Variants in PITPNM1 observed in about 807,000 individuals in gnomAD.
The protein encoded by PITPNM1 is membrane-associated phosphatidylinositol transfer protein 1.
PITPNM1 carries 74 observed loss-of-function variants against 133.3 expected under a neutral mutation model. That is an observed-to-expected ratio of 0.56 (90% CI 0.46 to 0.67). PITPNM1 has a LOEUF of 0.67. Ranked by LOEUF, PITPNM1 falls within the 30% of genes least tolerant of loss-of-function variation. The pLI is 0.00. For missense variants in PITPNM1, 1,398 were observed against 1,739.5 expected, an observed-to-expected ratio of 0.80 and a Z score of 3.49; for synonymous variants, 738 against 741.4, an observed-to-expected ratio of 1.00 and a Z score of 0.08.
At position 67,497,391 on chromosome 11, in the gene PITPNM1, C is replaced by T. The variant is rs1457299135; in HGVS notation, c.1986G>A (p.Arg662=). ...PATTSSWEPR[R]ASTAFCPPAA... ...CGGGTGGGCAGAAGGCCGTGCTTGC[C>T]CGCCGGGGCTCCCAGGAGGAGGTGG... Residue 662 remains arginine (R), a synonymous_variant, in exon 14 of 24, where the codon CGG becomes CGA. Coordinates refer to ENST00000356404, the MANE Select transcript of PITPNM1 (RefSeq NM_004910.3). The T allele has an allele frequency of 6.3e-7, 1 of 1,591,840 alleles. No individual in the cohort carries two copies. Among genetic ancestry groups the T allele is most frequent in the Admixed American group, 1.7e-5 (1 of 57,772 alleles).
intron 7 of PITPNM1, 32 bp downstream of exon 7, chr11:67,499,882 T>A (rs1318312644): frequency 6.2e-7 from 1 of 1,600,876 alleles, no homozygotes; most frequent in African/African-American, 1.3e-5. Context: ...CTCGGGGACA[T>A]CCCCACTCCC....
Position 67,497,267 on chromosome 11 carries a change from G to C in PITPNM1, c.2110C>G (p.Leu704Val). 1 of 1,612,040 alleles carries C rather than the reference G, an allele frequency of 6.2e-7. No individual in the cohort carries two copies. Among genetic ancestry groups the C allele is most frequent in the Non-Finnish European group, 8.5e-7 (1 of 1,179,354 alleles). The change falls in exon 14 of 24, where the codon CTG becomes GTG. Residue 704 changes from leucine to valine, a missense_variant. Leu to Val is a conservative substitution (Grantham distance 32, BLOSUM62 1). Around this residue, in one of 5 missense-constraint regions of PITPNM1, gnomAD observed 574 missense variants for 698.7 expected, o/e 0.82. Transcript: ENST00000356404. ...FLFGSPLGLV[L>V]ALRKTVMPAL... Reference sequence around the variant, plus strand: ...GGCATCACAGTTTTGCGCAGAGCCAGCACCAGGCCCAGTGGGGAGCCGAAG... The same window carrying C: ...GGCATCACAGTTTTGCGCAGAGCCACCACCAGGCCCAGTGGGGAGCCGAAG...
Position 67,492,090 on chromosome 11 carries a change from G to T in PITPNM1, c.3678C>A (p.Thr1226=). 6.2e-7 allele frequency: 1 copy of T among 1,612,518 alleles called. No homozygotes were observed. Reference sequence around the variant, plus strand: ...TCCGTGCTTTGCCCCGTGCCAGGGTGGTGGGTGGTGTTCCCGGGCCCTCAC... The same window carrying T: ...TCCGTGCTTTGCCCCGTGCCAGGGTTGTGGGTGGTGTTCCCGGGCCCTCAC... ...AEREGPGTPP[T]TLARGKARSI... Residue 1226 remains threonine (T), a synonymous_variant, in exon 24 of 24, where the codon ACC becomes ACA. Coordinates refer to ENST00000356404, the MANE Select transcript of PITPNM1 (RefSeq NM_004910.3).
rs773562775 is a variant in PITPNM1 at position 67,504,206 on chromosome 11, G to T, written c.-26C>A. ...CCTGAAGGCGCTCGGCGGGCCGCGC[G>T]CGGCCTCCGCTCCTCCTGGCGCAGG... is the stretch of plus-strand genomic sequence containing the variant. On this transcript the variant is annotated 5_prime_UTR_variant, in exon 2 of 24. Transcript: ENST00000356404. The surrounding 1 kb of genome is among the most constrained non-coding windows in gnomAD (Gnocchi z 5.4). The T allele has an allele frequency of 1.3e-6, 2 of 1,565,770 alleles. No homozygotes were observed. Among genetic ancestry groups the T allele is most frequent in the Non-Finnish European group, 1.7e-6 (2 of 1,155,864 alleles).
Position 67,502,551 on chromosome 11 carries a change from C to A in PITPNM1, c.246G>T (p.Leu82=), listed in dbSNP as rs1203832383. The A allele has an allele frequency of 6.2e-7, 1 of 1,613,762 alleles. No homozygotes were observed. Among genetic ancestry groups the A allele is most frequent in the Admixed American group, 1.7e-5 (1 of 60,030 alleles). Reference sequence around the variant, plus strand: ...CATTCCAGGATTCCTCTTCTACCTGCAGGGCAGCCTTGGGCAGCAGTGCCC... The same window carrying A: ...CATTCCAGGATTCCTCTTCTACCTGAAGGGCAGCCTTGGGCAGCAGTGCCC... ...WFRALLPKAA[L]QVEEESWNAY... The change falls in exon 3 of 24, where the codon CTG becomes CTT. Residue 82 remains leucine (L), a synonymous_variant. Transcript: ENST00000356404. This position sits in a 1 kb window ranked among gnomAD's most constrained non-coding sequence, Gnocchi z 5.9.
rs1259190677 is a variant in PITPNM1 at position 67,498,603 on chromosome 11, C to T, written c.1477G>A (p.Val493Ile). ...PPICAAAYAL[V>I]SNLSPYSHDG... is the part of the protein sequence containing the mutation. ...TCCACCCGTGGCTAGTACTTGGAGA[C>T]AAGGGCATAGGCGGCGGCGCAGATG... Residue 493 changes from valine to isoleucine, a missense_variant, in exon 10 of 24, where the codon GTC becomes ATC. Val to Ile is a conservative substitution (Grantham distance 29). Transcript: ENST00000356404. The surrounding 1 kb of genome is among the most constrained non-coding windows in gnomAD (Gnocchi z 5.7). The T allele has an allele frequency of 1.9e-6, 3 of 1,595,890 alleles. No individual in the cohort carries two copies. The highest frequency in any genetic ancestry group is 2.2e-5 in the East Asian group (1 of 44,812).
chr11:67,504,056 G>T lies in PITPNM1; in HGVS notation c.78+47C>A, dbSNP rs763193370. The T allele has an allele frequency of 4.8e-6, 7 of 1,461,030 alleles. No homozygotes were observed. In the Admixed American group the frequency reaches 1.3e-4, roughly 27 times the overall value. 90.5% of individuals were successfully genotyped at this position (1,461,030 alleles called of 1,614,324 possible). On this transcript the variant is annotated intron_variant, in intron 2 of 23. Transcript: ENST00000356404. This position sits in a 1 kb window ranked among gnomAD's most constrained non-coding sequence, Gnocchi z 5.4. ...CCCCGGGGCAGGGCTGGCGGGGTCGGCAGGGCTCCACCCCTTGCCCGGGTG... is the reference window on the plus strand; with the variant it reads ...CCCCGGGGCAGGGCTGGCGGGGTCGTCAGGGCTCCACCCCTTGCCCGGGTG...
chr11:67,498,820 C>T lies in PITPNM1; in HGVS notation c.1260G>A (p.Gly420=). 6.2e-7 allele frequency: 1 copy of T among 1,610,992 alleles called. No individual in the cohort carries two copies. The highest frequency in any genetic ancestry group is 8.5e-7 in the Non-Finnish European group (1 of 1,178,420). The part of the protein sequence containing the change: ...SEGLDGAGEL[G]AEACAVHALF... ...GGGCGTGGACTGCGCATGCCTCAGC[C>T]CCCAGCTCCCCGGCTCCATCCAGGC... The change falls in exon 10 of 24, where the codon GGG becomes GGA. Residue 420 remains glycine (G), a synonymous_variant. Transcript: ENST00000356404. The surrounding 1 kb of genome is among the most constrained non-coding windows in gnomAD (Gnocchi z 5.7).
At position 67,502,903 on chromosome 11, in the gene PITPNM1, T is replaced by TGGGGTCTGCAACCCAGCAC. The variant is rs1866382791; in HGVS notation, c.79-204_79-186dup. Among the ~76,000 whole-genome samples the TGGGGTCTGCAACCCAGCAC allele has an allele frequency of 6.6e-6, 1 of 152,198 alleles. No individual in the cohort carries two copies. Among genetic ancestry groups the TGGGGTCTGCAACCCAGCAC allele is most frequent in the African/African-American group, 2.4e-5 (1 of 41,440 alleles). ...ATCACAGATGCAGCCCAGCCCCGCA[T>TGGGGTCTGCAACCCAGCAC]GGGGTCTGCAACCCAGCACTCAGTT... On this transcript the variant is annotated intron_variant, in intron 2 of 23. Transcript: ENST00000356404. This position sits in a 1 kb window ranked among gnomAD's most constrained non-coding sequence, Gnocchi z 5.9.
chr11:67,505,969 C>G (rs1158318390), upstream of PITPNM1, among the ~76,000 whole-genome samples: 1 of 152,238 alleles, frequency 6.6e-6, no homozygotes, highest in Admixed American at 6.5e-5. The surrounding 1 kb of genome is among the most constrained non-coding windows in gnomAD (Gnocchi z 5.8). Context: ...ACGAGGCACC[C>G]CAAGGCTGGG....
rs201792327 is a variant in PITPNM1 at position 67,494,950 on chromosome 11, C to T, written c.2638G>A (p.Glu880Lys). The T allele has an allele frequency of 5.6e-6, 9 of 1,612,392 alleles. No individual in the cohort carries two copies. The highest frequency in any genetic ancestry group is 4.0e-5 in the African/African-American group (3 of 74,850). The change falls in exon 18 of 24, where the codon GAG (glutamate) becomes AAG (lysine). Residue 880 changes from glutamate (E) to lysine (K), a missense_variant. Coordinates refer to ENST00000356404, the MANE Select transcript of PITPNM1 (RefSeq NM_004910.3). ...TCCGCCAGCTGTGGCCGCTCCTTCT[C>T]GATCACCTGCACGGGACAGGGGGCG... ...VVAFILRQVI[E>K]KERPQLAECE... is the part of the protein sequence containing the mutation.
At position 67,502,846 on chromosome 11, in the gene PITPNM1, A is replaced by G. The variant is rs906406427; in HGVS notation, c.79-128T>C. The G allele has an allele frequency of 6.0e-6, 5 of 838,280 alleles. No homozygotes were observed. The highest frequency in any genetic ancestry group is 9.2e-6 in the Non-Finnish European group (5 of 545,516). The allele number at this position is 838,280 out of a possible 1,614,324, so 51.9% of individuals were successfully genotyped here. ...AGCCTTTTCAACTCCCTGAAACCAG[A>G]CCCCGCCCCACCAAAGCTCCCTGGG... On this transcript the variant is annotated intron_variant, in intron 2 of 23. Coordinates refer to ENST00000356404, the MANE Select transcript of PITPNM1 (RefSeq NM_004910.3). The surrounding 1 kb of genome is among the most constrained non-coding windows in gnomAD (Gnocchi z 5.9).
rs1332760153 is a variant in PITPNM1, at chr11:67,504,564, C to T, written c.-41-343G>A. 1 of 152,120 alleles carries T rather than the reference C, an allele frequency of 6.6e-6. No homozygotes were observed. The highest frequency in any genetic ancestry group is 1.5e-5 in the Non-Finnish European group (1 of 68,000). The allele number at this position is 152,120 out of a possible 1,614,324, so 9.4% of individuals were successfully genotyped here. The stretch of plus-strand genomic sequence containing the variant: ...CGTCCTAACCCCGGGAAACGGCATC[C>T]CTCTGGGCGCGCCCCCGAAGCCCCG... On this transcript the variant is annotated intron_variant, in intron 1 of 23. Transcript: ENST00000356404. The surrounding 1 kb of genome is among the most constrained non-coding windows in gnomAD (Gnocchi z 5.4).
chr11:67,501,383 T>C (rs1420412347), intron 5 of PITPNM1, among the ~76,000 whole-genome samples: 1 of 152,140 alleles, frequency 6.6e-6, no homozygotes, highest in African/African-American at 2.4e-5. Flanking sequence ...GGCTGAATTG[T>C]AGGCGTGGTG....
At chr11:67,495,319 C>A in intron 16 of PITPNM1, 94 bp from the exon 17 acceptor site, 4 of 1,475,386 alleles carry the variant, frequency 2.7e-6, no homozygotes, top group Non-Finnish European at 3.6e-6. Flanking sequence ...TTTCACCCAG[C>A]CTGCTCTTTG....
rs371600914 is a variant in PITPNM1 at position 67,496,293 on chromosome 11, G to A, written c.2202C>T (p.Asp734=). 62 of 1,583,294 alleles carry A rather than the reference G, an allele frequency of 3.9e-5. No individual in the cohort carries two copies. The highest frequency in any genetic ancestry group is 5.2e-5 in the Non-Finnish European group (61 of 1,168,720). The change falls in exon 15 of 24, where the codon GAC becomes GAT. Residue 734 remains aspartate, a synonymous_variant. Transcript: ENST00000356404. ...GGGGCTCGAGGCGTGAGGCGCAGGG[G>A]TCAGCCGCGTGGAAGAGGTTGTAGA... is the stretch of plus-strand genomic sequence containing the variant. ...EQIYNLFHAA[D]PCASRLEPLL... is the part of the protein sequence containing the mutation.
Position 67,504,095 on chromosome 11 carries a change from G to A in PITPNM1, c.78+8C>T. Reference sequence around the variant, plus strand: ...CTTGCCCGGGTGCCCTCTCCCCGCCGCCCTCACCTGGATCATGTAGAGCTG... The same window carrying A: ...CTTGCCCGGGTGCCCTCTCCCCGCCACCCTCACCTGGATCATGTAGAGCTG... On this transcript the variant is annotated splice_region_variant and intron_variant, in intron 2 of 23. Transcript: ENST00000356404. The surrounding 1 kb of genome is among the most constrained non-coding windows in gnomAD (Gnocchi z 5.4). The A allele has an allele frequency of 6.3e-7, 1 of 1,592,954 alleles. No homozygotes were observed. The highest frequency in any genetic ancestry group is 8.5e-7 in the Non-Finnish European group (1 of 1,171,960).
chr11:67,505,479 C>CAGGG (rs1163860697), upstream of PITPNM1: 1 of 152,198 alleles, frequency 6.6e-6, no homozygotes, highest in Admixed American at 6.5e-5. The surrounding 1 kb of genome is among the most constrained non-coding windows in gnomAD (Gnocchi z 5.8). Context: ...GCGGAGGAGG[C>CAGGG]AGGGAGGGAG....
intron 18 of PITPNM1, 49 bp downstream of exon 18, chr11:67,494,797 T>TGGGCGAGA (rs774778609): frequency 7.5e-6 from 10 of 1,331,110 alleles, no homozygotes; most frequent in Non-Finnish European, 9.5e-6. Flanking sequence ...CTCTGGTGAG[T>TGGGCGAGA]GGGCGAGAGT....
Sources: allele counts gnomAD v4.1 joint callset (sites outside exome capture counted in the v4.1 genomes callset), GRCh38; gene constraint gnomAD v4.1.1; regional missense constraint gnomAD v4.1.1; non-coding constraint Gnocchi (gnomAD v3.1); transcripts MANE v1.5; gene names NCBI Gene and HGNC (gene_info 2026-07-23, HGNC 2026-07-21).